The following ATAD1 variants were observed in gnomAD, a reference collection of about 807,000 sequenced individuals.
ATAD1 encodes the protein ATPase family AAA domain containing 1, also known as outer mitochondrial transmembrane helix translocase.
In ATAD1, 18 loss-of-function variants were observed where a neutral mutation model predicts 42.7. The observed-to-expected ratio is 0.42, with a 90% confidence interval of 0.29 to 0.63. ATAD1 has a LOEUF of 0.63. ATAD1 is among the 20% of genes least tolerant of loss of function. The pLI is 0.19. For missense variants in ATAD1, 294 were observed against 440.4 expected (o/e 0.67, Z 2.98); for synonymous variants, 132 against 143.1 (o/e 0.92, Z 0.55).
At chr10:87,838,461 CAAAAAAAAAAAAA>C (rs770282016) in intron 1 of ATAD1, among the ~76,000 whole-genome samples, 1 of 42,628 alleles carries the variant, frequency 2.3e-5, no homozygotes, top group African/African-American at 8.9e-5. Flanking sequence ...GACTCTATCT[CAAAAAAAAAAAAA>C]AAAAAAAAAA....
At chr10:87,795,712 G>A (rs1041557866) in intron 2 of ATAD1, among the ~76,000 whole-genome samples, 6 of 151,920 alleles carry the variant, frequency 3.9e-5, no homozygotes, top group Admixed American at 6.6e-5. Context: ...AAGTGGAATA[G>A]GAAATATTAA....
Position 87,790,360 on chromosome 10 carries a change from A to C in ATAD1, c.332T>G (p.Ile111Ser). 6.2e-7 allele frequency: 1 copy of C among 1,613,004 alleles called. No homozygotes were observed. The change falls in exon 4 of 10, where the codon ATC becomes AGC. Residue 111 changes from isoleucine (I) to serine (S), a missense_variant. Transcript: ENST00000680024. ...ATTCTCAAACAAATGTTTCTTTTTG[A>C]TAGGTAAGATGACTGTGTCTTTCAG... ...TDLKDTVILPIKKKHLFENSR... is the reference protein window; with the variant it reads ...TDLKDTVILPSKKKHLFENSR...
chr10:87,772,287 G>A lies in ATAD1; in HGVS notation c.691-1246C>T, dbSNP rs114718449. 2.9e-3 allele frequency among the ~76,000 whole-genome samples: 438 copies of A among 150,976 alleles called. 1 individual carries two copies. Among genetic ancestry groups the A allele is most frequent in the African/African-American group, 0.01 (411 of 41,012 alleles). ...GCCACTGTGCCTAGCTGATTTTTCC[G>A]TCTTTAGTAGAGACAAGGTCTCACT... On this transcript the variant is annotated intron_variant, in intron 6 of 9. Transcript: ENST00000680024.
At chr10:87,777,381 T>C (rs948179655) in intron 5 of ATAD1, among the ~76,000 whole-genome samples, 6 of 152,212 alleles carry the variant, frequency 3.9e-5, no homozygotes, top group Non-Finnish European at 5.9e-5. Flanking sequence ...ACATATGTTA[T>C]ACAAGGTAAA....
chr10:87,804,514 C>T (rs1856837202), intron 2 of ATAD1, among the ~76,000 whole-genome samples: 1 of 151,980 alleles, frequency 6.6e-6, no homozygotes. Flanking sequence ...GGACTACAGG[C>T]ACCCATTACC....
upstream of ATAD1, among the ~76,000 whole-genome samples, chr10:87,822,165 A>G (rs974615008): frequency 1.3e-5 from 2 of 152,274 alleles, no homozygotes; most frequent in Non-Finnish European, 2.9e-5. Flanking sequence ...GAAAGAATAG[A>G]ACTTCAACAA....
intron 1 of ATAD1, among the ~76,000 whole-genome samples, chr10:87,824,378 G>A (rs1360283480): frequency 1.3e-5 from 2 of 152,158 alleles, no homozygotes; most frequent in Non-Finnish European, 2.9e-5. Flanking sequence ...TAGGGTATAA[G>A]AACGTGAACT....
At chr10:87,803,407 T>C (rs747890910) in intron 2 of ATAD1, among the ~76,000 whole-genome samples, 52 of 152,226 alleles carry the variant, frequency 3.4e-4, no homozygotes, top group Non-Finnish European at 3.5e-4. Context: ...AAGCTGGGAA[T>C]TGCTTAGGGC....
At chr10:87,770,810 G>T in intron 7 of ATAD1, 142 bp downstream of exon 7, 1 of 586,864 alleles carries the variant, frequency 1.7e-6, no homozygotes, top group Non-Finnish European at 2.9e-6. Context: ...GGACAAAGAA[G>T]CTACTGTCAG....
At chr10:87,772,030 C>T (rs1292560322) in intron 6 of ATAD1, among the ~76,000 whole-genome samples, 2 of 152,072 alleles carry the variant, frequency 1.3e-5, no homozygotes, top group Admixed American at 6.6e-5. Flanking sequence ...CATTCAGGAG[C>T]CTCAGAGCCC....
At chr10:87,763,080 CA>C (rs71019501) in intron 8 of ATAD1, among the ~76,000 whole-genome samples, 3,032 of 26,594 alleles carry the variant, frequency 0.11, 45 homozygotes, top group African/African-American at 0.31. Flanking sequence ...GACTCTGTCA[CA>C]AAAAAAAAAA....
chr10:87,821,113 T>G (rs1460704436), upstream of ATAD1, among the ~76,000 whole-genome samples: 3 of 152,198 alleles, frequency 2.0e-5, no homozygotes, highest in Non-Finnish European at 2.9e-5. Flanking sequence ...AAAATAGTTA[T>G]GGCAGTTCTC....
chr10:87,813,072 GAAT>G (rs1380385119), intron 2 of ATAD1, among the ~76,000 whole-genome samples: 1 of 152,026 alleles, frequency 6.6e-6, no homozygotes, highest in African/African-American at 2.4e-5. Flanking sequence ...CTAATATTTA[GAAT>G]AATACTATAC....
rs35200026 is a variant in ATAD1, at chr10:87,775,420, CAAA to C, written c.690+898_690+900del. 1.2e-4 allele frequency among the ~76,000 whole-genome samples: 3 copies of C among 24,058 alleles called. No individual in the cohort carries two copies. In the South Asian group the frequency reaches 5.3e-3, roughly 43 times the overall value. The allele number at this position is 24,058 out of a possible 152,430, so 15.8% of individuals were successfully genotyped here. On this transcript the variant is annotated intron_variant, in intron 6 of 9. Transcript: ENST00000680024. ...TGGGCGACAGAGCAAGACTCCATCT[CAAA>C]AAAAAAAAAAAAAAAAAAGAGAAAA...
chr10:87,830,194 A>G (rs1329910830), intron 1 of ATAD1, among the ~76,000 whole-genome samples: 7 of 152,236 alleles, frequency 4.6e-5, no homozygotes, highest in Non-Finnish European at 8.8e-5. Flanking sequence ...ATGAAATAGC[A>G]GTATAGTAAG....
At chr10:87,831,913 T>C (rs1379747550) in intron 1 of ATAD1, among the ~76,000 whole-genome samples, 1 of 152,130 alleles carries the variant, frequency 6.6e-6, no homozygotes, top group African/African-American at 2.4e-5. Context: ...ATAATTATTC[T>C]CAGATAAGGA....
At chr10:87,793,939 A>T (rs999496747) in intron 2 of ATAD1, among the ~76,000 whole-genome samples, 1 of 152,116 alleles carries the variant, frequency 6.6e-6, no homozygotes, top group African/African-American at 2.4e-5. Context: ...GCTTTAAAAA[A>T]AAAAAGTACT....
intron 1 of ATAD1, chr10:87,841,085 AGC>A: frequency 6.6e-6 from 1 of 152,184 alleles, no homozygotes; most frequent in Non-Finnish European, 1.5e-5. Flanking sequence ...CTTCAGTGGA[AGC>A]AGGACTGCTT....
chr10:87,836,250 C>T (rs567325671), intron 1 of ATAD1, among the ~76,000 whole-genome samples: 5 of 152,092 alleles, frequency 3.3e-5, no homozygotes, highest in Admixed American at 6.6e-5. Flanking sequence ...CCTCAGCTTC[C>T]GAGTCGCTAA....
Sources: allele counts gnomAD v4.1 joint callset (sites outside exome capture counted in the v4.1 genomes callset), GRCh38; gene constraint gnomAD v4.1.1; transcripts MANE v1.5; gene names NCBI Gene and HGNC (gene_info 2026-07-23, HGNC 2026-07-21).